Variants in KDM3B observed in about 807,000 individuals in gnomAD.
KDM3B encodes lysine-specific demethylase 3B.
Under a neutral mutation model 170.0 loss-of-function variants are expected in KDM3B, and 10 were observed. That is an observed-to-expected ratio of 0.06 (90% CI 0.04 to 0.10). The LOEUF is 0.10. Ranked by LOEUF, KDM3B falls within the 10% of genes least tolerant of loss-of-function variation. The pLI is 1.00. For missense variants in KDM3B, 1,394 were observed against 2,195.2 expected, an observed-to-expected ratio of 0.64 and a Z score of 7.29; for synonymous variants, 831 against 834.8, an observed-to-expected ratio of 1.00 and a Z score of 0.08.
chr5:138,416,329 C>A (rs575601815), intron 12 of KDM3B, among the ~76,000 whole-genome samples: 305 of 152,252 alleles, frequency 2.0e-3, no homozygotes, highest in South Asian at 4.1e-3. Context: ...GTGGCTCACA[C>A]CTGTAATCCC....
At chr5:138,373,541 G>A (rs928279426) in intron 2 of KDM3B, among the ~76,000 whole-genome samples, 2 of 151,646 alleles carry the variant, frequency 1.3e-5, no homozygotes, top group African/African-American at 4.8e-5. Flanking sequence ...ATCAGAGCTC[G>A]GTGCAATCAG....
rs749287954 is a variant in KDM3B, at chr5:138,391,102, C to T, written c.1470C>T (p.Ser490=). The T allele has an allele frequency of 6.2e-7, 1 of 1,613,726 alleles. No homozygotes were observed. The highest frequency in any genetic ancestry group is 8.5e-7 in the Non-Finnish European group (1 of 1,179,722). ...CTTTGACTTTTGGAAGTGGAAGGAG[C>T]CAGTCCAATGGTGTTCTAGCCACAG... ...SQPLTFGSGR[S]QSNGVLATEN... Residue 490 remains serine (S), a synonymous_variant, in exon 8 of 24, where the codon AGC becomes AGT. Coordinates refer to ENST00000314358, the MANE Select transcript of KDM3B (RefSeq NM_016604.4). The surrounding 1 kb of genome is among the most constrained non-coding windows in gnomAD (Gnocchi z 5.0).
intron 1 of KDM3B, among the ~76,000 whole-genome samples, chr5:138,359,273 T>G (rs933031944): frequency 6.6e-6 from 1 of 151,984 alleles, no homozygotes; most frequent in African/African-American, 2.4e-5. Context: ...GTGATTCTCC[T>G]GGCTTAGTCT....
intron 7 of KDM3B, 73 bp downstream of exon 7, chr5:138,386,694 A>G (rs1762272826): frequency 6.5e-7 from 1 of 1,534,444 alleles, no homozygotes; most frequent in East Asian, 2.3e-5. Context: ...TAACATTAAA[A>G]AACATTCAAG....
At chr5:138,435,434 T>G (rs1487965708) in intron 23 of KDM3B, among the ~76,000 whole-genome samples, 186 bp from the exon 24 acceptor site, 1 of 152,194 alleles carries the variant, frequency 6.6e-6, no homozygotes, top group African/African-American at 2.4e-5. Context: ...TTCACATAAC[T>G]TCATTATTCT....
Position 138,386,610 on chromosome 5 carries a change from G to A in KDM3B, c.1369G>A (p.Ala457Thr). ...AAAACAGAAAGGCAGCCGGTCGCAG[G>A]CCTCGGGAGAGGTGAGTTACTTCAG... ...PEKQKGSRSQ[A>T]SGENSRNSIL... Residue 457 changes from alanine to threonine, a missense_variant, in exon 7 of 24, where the codon GCC (alanine) becomes ACC (threonine). Ala to Thr is a moderately conservative substitution (Grantham distance 58). Around this residue, in one of 19 missense-constraint regions of KDM3B, gnomAD observed 205 missense variants for 227.6 expected, o/e 0.90. Transcript: ENST00000314358. 1 of 1,610,752 alleles carries A rather than the reference G, an allele frequency of 6.2e-7. No homozygotes were observed. Among genetic ancestry groups the A allele is most frequent in the Non-Finnish European group, 8.5e-7 (1 of 1,177,106 alleles).
rs1332680148 is a variant in KDM3B, at chr5:138,386,131, C to G, written c.890C>G (p.Pro297Arg). 6.2e-7 allele frequency: 1 copy of G among 1,614,100 alleles called. No individual in the cohort carries two copies. The highest frequency in any genetic ancestry group is 2.2e-5 in the East Asian group (1 of 44,874). The change falls in exon 7 of 24, where the codon CCT (proline) becomes CGT (arginine). Residue 297 changes from proline (P) to arginine (R), a missense_variant. Physicochemically the swap from Pro to Arg is moderately radical, Grantham distance 103. Around this residue, in one of 19 missense-constraint regions of KDM3B, gnomAD observed 205 missense variants for 227.6 expected, o/e 0.90. Transcript: ENST00000314358. ...AGTGCTTCGGACTCTGGGTGTGACC[C>G]TGCATCAAAGAAATTAAAAGGAGAC... ...RKSASDSGCDPASKKLKGDRG... is the reference protein window; with the variant it reads ...RKSASDSGCDRASKKLKGDRG...
At chr5:138,421,072 C>A in intron 15 of KDM3B, 110 bp downstream of exon 15, 1 of 1,247,706 alleles carries the variant, frequency 8.0e-7, no homozygotes, top group Non-Finnish European at 1.1e-6. Flanking sequence ...TCTACATTGT[C>A]AAGCTGACAA....
intron 20 of KDM3B, among the ~76,000 whole-genome samples, chr5:138,429,406 G>T (rs1374597169): frequency 6.6e-6 from 1 of 152,142 alleles, no homozygotes; most frequent in Non-Finnish European, 1.5e-5. Context: ...GTAGGTCATT[G>T]TAATAGACAA....
At chr5:138,427,140 G>T in intron 18 of KDM3B, 49 bp from the exon 19 acceptor site, 6 of 1,607,224 alleles carry the variant, frequency 3.7e-6, no homozygotes, top group Non-Finnish European at 5.1e-6. Context: ...TTGTCTATTG[G>T]CTTTCTTCCC....
intron 7 of KDM3B, among the ~76,000 whole-genome samples, chr5:138,387,203 C>G (rs1342285382): frequency 6.6e-6 from 1 of 152,114 alleles, no homozygotes; most frequent in Admixed American, 6.6e-5. Flanking sequence ...TGTTCTTTAT[C>G]TGATATGCAT....
intron 11 of KDM3B, among the ~76,000 whole-genome samples, chr5:138,412,402 C>T (rs1762993962): frequency 6.6e-6 from 1 of 151,466 alleles, no homozygotes; most frequent in African/African-American, 2.4e-5. Flanking sequence ...ACCTGTAATC[C>T]CAACAGTTAC....
At chr5:138,362,177 C>G (rs917754126) in intron 1 of KDM3B, among the ~76,000 whole-genome samples, 1 of 151,818 alleles carries the variant, frequency 6.6e-6, no homozygotes, top group Non-Finnish European at 1.5e-5. Context: ...AAAAATTAGC[C>G]GGGCATGGTG....
In KDM3B at chr5:138,353,095, G is replaced by C. The variant is rs947744360; in HGVS notation, c.192+108G>C. The C allele has an allele frequency of 2.8e-5, 26 of 915,450 alleles. No individual in the cohort carries two copies. In the African/African-American group the frequency reaches 4.3e-4, roughly 15 times the overall value. 56.7% of individuals were successfully genotyped at this position (915,450 alleles called of 1,614,324 possible). On this transcript the variant is annotated intron_variant, in intron 1 of 23. Coordinates refer to ENST00000314358, the MANE Select transcript of KDM3B (RefSeq NM_016604.4). The stretch of plus-strand genomic sequence containing the variant: ...GGTGGGATGGGGGTGACCCATTTCC[G>C]TGCCCCCGGGTCTCCTTAGCGCCCC...
At chr5:138,434,439 T>G (rs891445037) in intron 23 of KDM3B, among the ~76,000 whole-genome samples, 1 of 151,962 alleles carries the variant, frequency 6.6e-6, no homozygotes, top group Non-Finnish European at 1.5e-5. Context: ...TCCCAGCTAC[T>G]TGGGAGGCTG....
intron 14 of KDM3B, among the ~76,000 whole-genome samples, chr5:138,419,692 T>TATATATATACACACACAC (rs1763212861): frequency 3.5e-5 from 4 of 112,984 alleles, no homozygotes; most frequent in South Asian, 5.5e-4. Context: ...TATATATACA[T>TATATATATACACACACAC]ATATATATAC....
At chr5:138,396,584 A>G (rs1762552476) in intron 9 of KDM3B, among the ~76,000 whole-genome samples, 1 of 152,098 alleles carries the variant, frequency 6.6e-6, no homozygotes, top group African/African-American at 2.4e-5. Context: ...TGGGTTGGGG[A>G]AAAGTGATAG....
At chr5:138,355,800 G>T (rs943832461) in intron 1 of KDM3B, among the ~76,000 whole-genome samples, 1 of 152,110 alleles carries the variant, frequency 6.6e-6, no homozygotes, top group Non-Finnish European at 1.5e-5. Context: ...GAAACCCATG[G>T]ATTTTCCTTT....
intron 11 of KDM3B, among the ~76,000 whole-genome samples, chr5:138,413,162 G>T (rs773201161): frequency 1.2e-4 from 18 of 152,246 alleles, no homozygotes; most frequent in Non-Finnish European, 2.1e-4. Context: ...GACGCGGGTG[G>T]ATCACAAGGT....
Sources: allele counts gnomAD v4.1 joint callset (sites outside exome capture counted in the v4.1 genomes callset), GRCh38; gene constraint gnomAD v4.1.1; regional missense constraint gnomAD v4.1.1; non-coding constraint Gnocchi (gnomAD v3.1); transcripts MANE v1.5; gene names NCBI Gene and HGNC (gene_info 2026-07-23, HGNC 2026-07-21).